The following SYT1 variants were observed in gnomAD, a reference collection of about 807,000 sequenced individuals.
The protein encoded by SYT1 is synaptotagmin-1.
In SYT1, 8 loss-of-function variants were observed where a neutral mutation model predicts 44.8. That is an observed-to-expected ratio of 0.18 (90% confidence interval 0.10 to 0.32). The LOEUF is 0.32. Among genes scored for constraint, SYT1 ranks in the 10% least tolerant of loss-of-function variants. SYT1 has a pLI of 1.00. For synonymous variants in SYT1, 154 were observed against 188.8 expected (o/e 0.82, Z 1.51); for missense variants, 286 against 509.3 (o/e 0.56, Z 4.22).
chr12:79,190,449 C>T (rs1219240640), intron 3 of SYT1, among the ~76,000 whole-genome samples: 3 of 152,102 alleles, frequency 2.0e-5, no homozygotes, highest in East Asian at 3.9e-4. Context: ...CACACACATA[C>T]ATTTTCATTT....
At chr12:79,203,893 CCATT>C (rs2138506569) in intron 3 of SYT1, among the ~76,000 whole-genome samples, 1 of 152,268 alleles carries the variant, frequency 6.6e-6, no homozygotes, top group African/African-American at 2.4e-5. Context: ...GTATCCCCAG[CCATT>C]CAAATAGTGA....
chr12:79,231,926 G>T (rs901298087), intron 4 of SYT1, among the ~76,000 whole-genome samples: 2 of 152,096 alleles, frequency 1.3e-5, no homozygotes, highest in African/African-American at 4.8e-5. Context: ...ACTAACCGAG[G>T]TTCAGGAGAA....
intron 1 of SYT1, among the ~76,000 whole-genome samples, chr12:78,870,258 C>T (rs1873750489): frequency 6.6e-6 from 1 of 152,014 alleles, no homozygotes. Flanking sequence ...AGCTAAGTGC[C>T]TCAGTTAGAA....
chr12:79,314,442 G>A (rs369597001), intron 8 of SYT1, among the ~76,000 whole-genome samples: 1 of 152,164 alleles, frequency 6.6e-6, no homozygotes, highest in Admixed American at 6.5e-5. Context: ...GGCTCAGCAC[G>A]TGTGAGTGGA....
intron 3 of SYT1, among the ~76,000 whole-genome samples, chr12:79,131,682 T>C (rs1028640239): frequency 2.0e-5 from 3 of 152,232 alleles, no homozygotes; most frequent in African/African-American, 7.2e-5. Flanking sequence ...AGTCAACTTA[T>C]ATATTCACTG....
chr12:79,449,138 C>A lies in SYT1; in HGVS notation c.*14C>A, dbSNP rs1200934007. ...GTCAAGAAGTAAAGGAAAGAAGAAG[C>A]CTTTCTGCATTTGCCCATATAGTGC... On this transcript the variant is annotated 3_prime_UTR_variant, in exon 11 of 11. Coordinates refer to ENST00000261205, the MANE Select transcript of SYT1 (RefSeq NM_005639.3). 3 of 1,588,906 alleles carry A rather than the reference C, an allele frequency of 1.9e-6. No homozygotes were observed. Among genetic ancestry groups the A allele is most frequent in the Admixed American group, 1.8e-5 (1 of 55,262 alleles).
At chr12:79,184,569 T>C (rs1438924920) in intron 3 of SYT1, among the ~76,000 whole-genome samples, 1 of 152,002 alleles carries the variant, frequency 6.6e-6, no homozygotes, top group East Asian at 1.9e-4. Context: ...ATTACAAAGA[T>C]TTTTGCCATT....
intron 3 of SYT1, among the ~76,000 whole-genome samples, chr12:79,132,915 A>G (rs1868943727): frequency 6.6e-6 from 1 of 152,158 alleles, no homozygotes; most frequent in Non-Finnish European, 1.5e-5. Context: ...ATATAGCCAT[A>G]AAAAATAATA....
chr12:79,166,731 A>T (rs1357855565), intron 3 of SYT1, among the ~76,000 whole-genome samples: 2 of 152,018 alleles, frequency 1.3e-5, no homozygotes, highest in African/African-American at 4.8e-5. Context: ...AAATGAGATG[A>T]TGTGTATGAA....
intron 2 of SYT1, among the ~76,000 whole-genome samples, chr12:79,006,267 G>T (rs1038896070): frequency 6.6e-6 from 1 of 152,134 alleles, no homozygotes; most frequent in African/African-American, 2.4e-5. Context: ...GGGAATTAAA[G>T]TATTAGATTC....
At chr12:78,896,316 G>A (rs953556124) in intron 1 of SYT1, among the ~76,000 whole-genome samples, 27 of 151,686 alleles carry the variant, frequency 1.8e-4, no homozygotes, top group African/African-American at 6.0e-4. Context: ...ACTGAAAAAT[G>A]TACTTGGAAG....
chr12:79,176,642 C>T (rs554293224), intron 3 of SYT1, among the ~76,000 whole-genome samples: 1 of 152,116 alleles, frequency 6.6e-6, no homozygotes, highest in Non-Finnish European at 1.5e-5. Flanking sequence ...TTTAACTTTA[C>T]ATTTGAAAAA....
At chr12:79,283,340 A>G (rs756722763) in intron 4 of SYT1, among the ~76,000 whole-genome samples, 1 of 152,178 alleles carries the variant, frequency 6.6e-6, no homozygotes, top group Non-Finnish European at 1.5e-5. Flanking sequence ...AAAGTTTTTC[A>G]GTGGTTATAA....
At chr12:79,341,310 G>A (rs538030460) in intron 8 of SYT1, 2 of 152,154 alleles carry the variant, frequency 1.3e-5, no homozygotes, top group African/African-American at 2.4e-5. Context: ...GTCTTGGCAG[G>A]TAGGGCTCTG....
At chr12:79,361,941 G>C (rs1883331070) in intron 9 of SYT1, among the ~76,000 whole-genome samples, 1 of 152,184 alleles carries the variant, frequency 6.6e-6, no homozygotes. Context: ...TATGATGTAG[G>C]AGTACAAAAG....
At chr12:79,227,965 C>G (rs1875623407) in intron 4 of SYT1, among the ~76,000 whole-genome samples, 1 of 152,042 alleles carries the variant, frequency 6.6e-6, no homozygotes, top group South Asian at 2.1e-4. Context: ...TTCTTTAATC[C>G]CATTCCAATG....
At chr12:79,442,797 G>A (rs943837986) in intron 9 of SYT1, among the ~76,000 whole-genome samples, 1 of 152,052 alleles carries the variant, frequency 6.6e-6, no homozygotes, top group Non-Finnish European at 1.5e-5. Flanking sequence ...TAGATCATCT[G>A]GAAAGTTTCT....
chr12:79,184,842 G>T (rs1234215136), intron 3 of SYT1, among the ~76,000 whole-genome samples: 1 of 151,948 alleles, frequency 6.6e-6, no homozygotes, highest in Non-Finnish European at 1.5e-5. Flanking sequence ...TAACATGCAC[G>T]CTCTGAGTAT....
chr12:79,019,977 G>C lies in SYT1; in HGVS notation c.-83-27320G>C, dbSNP rs560072883. ...AGAGCTAATGTAAAAACCTCATTTT[G>C]AGAAACAAAAGTAGTGTCAATTTAT... is the stretch of plus-strand genomic sequence containing the variant. On this transcript the variant is annotated intron_variant, in intron 2 of 10. Transcript: ENST00000261205. Among the ~76,000 whole-genome samples the C allele has an allele frequency of 2.6e-5, 4 of 151,930 alleles. No homozygotes were observed. In the East Asian group the frequency reaches 7.8e-4, roughly 30 times the overall value.
Sources: allele counts gnomAD v4.1 joint callset (sites outside exome capture counted in the v4.1 genomes callset), GRCh38; gene constraint gnomAD v4.1.1; transcripts MANE v1.5; gene names NCBI Gene and HGNC (gene_info 2026-07-23, HGNC 2026-07-21).